The following RMST variants were observed in gnomAD, a reference collection of about 807,000 sequenced individuals.
RMST encodes long intergenic non-protein coding RNA 54.
At chr12:97,548,399 T>G (rs1400841556) in intron 11 of RMST, among the ~76,000 whole-genome samples, 1 of 152,130 alleles carries the variant, frequency 6.6e-6, no homozygotes, top group East Asian at 1.9e-4. Context: ...TCCATACAAA[T>G]TTTAGGATTT....
chr12:97,529,290 A>C (rs1203358404), intron 10 of RMST, among the ~76,000 whole-genome samples: 2 of 152,090 alleles, frequency 1.3e-5, no homozygotes, highest in Non-Finnish European at 2.9e-5. Context: ...CTTTAAGCTA[A>C]ACAGAGATTT....
intron 13 of RMST, among the ~76,000 whole-genome samples, chr12:97,561,225 G>A (rs983452470): frequency 1.3e-4 from 20 of 152,046 alleles, no homozygotes; most frequent in Admixed American, 3.3e-4. Context: ...CTAATTTTAC[G>A]TTTGTAAATA....
At chr12:97,523,937 A>G (rs1036019630) in intron 10 of RMST, among the ~76,000 whole-genome samples, 6 of 151,856 alleles carry the variant, frequency 4.0e-5, no homozygotes, top group South Asian at 2.1e-4. Flanking sequence ...TTAGCCGGGC[A>G]TGGTGGTGCG....
chr12:97,546,833 C>G (rs945883211), intron 11 of RMST, among the ~76,000 whole-genome samples: 1 of 151,948 alleles, frequency 6.6e-6, no homozygotes, highest in South Asian at 2.1e-4. Context: ...AAAATCTACT[C>G]TTAGTGATTT....
chr12:97,474,388 G>A (rs1313022814), intron 5 of RMST, among the ~76,000 whole-genome samples: 1 of 152,002 alleles, frequency 6.6e-6, no homozygotes, highest in Non-Finnish European at 1.5e-5. Flanking sequence ...TCTCACTGCT[G>A]TCTGCTCTGA....
chr12:97,550,760 T>C lies in RMST; in HGVS notation n.1546-9777T>C, dbSNP rs1021836642. On this transcript the variant is annotated intron_variant and non_coding_transcript_variant, in intron 11 of 13. Coordinates refer to ENST00000640149, the Ensembl canonical transcript of RMST. ...ATAGCATCATATTTTGTGGCATCTC[T>C]CCTTCATAATTGTCTTTGGAGCCAT... is the stretch of plus-strand genomic sequence containing the variant. Among the ~76,000 whole-genome samples, 5 of 152,304 alleles carry C rather than the reference T, an allele frequency of 3.3e-5. No homozygotes were observed. In the East Asian group the frequency reaches 9.7e-4, roughly 29 times the overall value.
chr12:97,483,115 G>A (rs73384745), intron 5 of RMST, among the ~76,000 whole-genome samples: 3,380 of 152,060 alleles, frequency 0.022, 121 homozygotes, highest in African/African-American at 0.077. Flanking sequence ...TATCAGACCC[G>A]AATTTTTAGT....
intron 11 of RMST, among the ~76,000 whole-genome samples, chr12:97,540,665 A>G (rs1420860286): frequency 6.6e-6 from 1 of 151,732 alleles, no homozygotes; most frequent in South Asian, 2.1e-4. Context: ...ATTTGGAAAG[A>G]AAAGAAAATA....
chr12:97,462,832 T>A (rs1872724495), exon 3 of RMST: 1 of 152,270 alleles, frequency 6.6e-6, no homozygotes, highest in Admixed American at 6.5e-5. Flanking sequence ...TGGGCAGCAC[T>A]AGCACTCTGG....
At chr12:97,511,704 ATAAC>A (rs1365995942) in intron 10 of RMST, among the ~76,000 whole-genome samples, 8 of 152,214 alleles carry the variant, frequency 5.3e-5, no homozygotes, top group African/African-American at 1.9e-4. Context: ...AGTAAATGAA[ATAAC>A]TAATTACAGC....
chr12:97,470,338 T>C (rs2136386869), intron 5 of RMST, among the ~76,000 whole-genome samples: 1 of 152,042 alleles, frequency 6.6e-6, no homozygotes, highest in African/African-American at 2.4e-5. Flanking sequence ...ATTAAAAAGA[T>C]AGGACCCGAA....
chr12:97,489,603 G>A (rs1375185555), intron 5 of RMST, among the ~76,000 whole-genome samples: 3 of 152,170 alleles, frequency 2.0e-5, no homozygotes, highest in African/African-American at 7.2e-5. Flanking sequence ...ATGTCTCAGT[G>A]AATTTTTAAA....
At chr12:97,556,076 T>C (rs1479661145) in intron 11 of RMST, among the ~76,000 whole-genome samples, 5 of 152,132 alleles carry the variant, frequency 3.3e-5, no homozygotes, top group African/African-American at 4.8e-5. Context: ...AACAAAATAT[T>C]AGCACAAGAA....
intron 5 of RMST, among the ~76,000 whole-genome samples, chr12:97,483,040 A>AAATG (rs1875617174): frequency 1.3e-5 from 2 of 152,100 alleles, no homozygotes; most frequent in African/African-American, 4.8e-5. Flanking sequence ...TCATATTTTC[A>AAATG]AATGAATGAA....
chr12:97,498,540 T>G (rs1402690370), intron 10 of RMST, among the ~76,000 whole-genome samples: 1 of 152,232 alleles, frequency 6.6e-6, no homozygotes. Flanking sequence ...ATTTATTGCC[T>G]GTCTTTGCAT....
At position 97,480,099 on chromosome 12, in the gene RMST, C is replaced by CT. The variant is rs1436629092; in HGVS notation, n.645-12353dup. ...TTTCTTTTCTTTTTTCTTTTTTTTTCTTTTTTTTTGAGACAGAGTTTCGCT... is the reference window on the plus strand; with the variant it reads ...TTTCTTTTCTTTTTTCTTTTTTTTTCTTTTTTTTTTGAGACAGAGTTTCGCT... On this transcript the variant is annotated intron_variant and non_coding_transcript_variant, in intron 5 of 13. Coordinates refer to ENST00000640149, the Ensembl canonical transcript of RMST. 8.3e-4 allele frequency among the ~76,000 whole-genome samples: 121 copies of CT among 145,234 alleles called. 1 individual carries two copies. The highest frequency in any genetic ancestry group is 2.7e-3 in the African/African-American group (103 of 38,640).
intron 5 of RMST, among the ~76,000 whole-genome samples, chr12:97,482,609 T>A (rs1281876145): frequency 6.8e-6 from 1 of 147,662 alleles, no homozygotes; most frequent in East Asian, 1.9e-4. Context: ...TAAAATTTAT[T>A]TATTATTTAA....
At chr12:97,482,793 T>TATTTATTTATTAAATAAATTTATATG in intron 5 of RMST, among the ~76,000 whole-genome samples, 1 of 145,314 alleles carries the variant, frequency 6.9e-6, no homozygotes, top group South Asian at 2.1e-4. Context: ...AAATTTATAT[T>TATTTATTTATTAAATAAATTTATATG]ATTTATTTAT....
At chr12:97,493,016 A>G (rs1167160758) in intron 6 of RMST, 1 of 152,262 alleles carries the variant, frequency 6.6e-6, no homozygotes, top group Non-Finnish European at 1.5e-5. Flanking sequence ...ATAGATGTTC[A>G]CATCACCTTT....
Sources: allele counts gnomAD v4.1 joint callset (sites outside exome capture counted in the v4.1 genomes callset), GRCh38; gene constraint gnomAD v4.1.1; transcripts MANE v1.5; gene names NCBI Gene and HGNC (gene_info 2026-07-23, HGNC 2026-07-21).